Variants in C16orf78 observed in about 807,000 individuals in gnomAD.
C16orf78 encodes uncharacterized protein C16orf78.
In C16orf78, 19 loss-of-function variants were observed where a neutral mutation model predicts 27.3. That is an observed-to-expected ratio of 0.70 (90% CI 0.49 to 1.02). The LOEUF is 1.02. C16orf78 is among the 50% of genes least tolerant of loss of function. The pLI is 0.00. For synonymous variants in C16orf78, 130 were observed against 116.1 expected (o/e 1.12, Z -0.77); for missense variants, 339 against 337.0 (o/e 1.01, Z -0.05).
chr16:49,382,179 C>T (rs1344039138), intron 3 of C16orf78, among the ~76,000 whole-genome samples: 7 of 152,092 alleles, frequency 4.6e-5, no homozygotes, highest in Non-Finnish European at 1.5e-5. Flanking sequence ...AAACCAAACA[C>T]CGCATATTCT....
intron 3 of C16orf78, among the ~76,000 whole-genome samples, chr16:49,387,507 T>C (rs561346901): frequency 6.6e-6 from 1 of 152,216 alleles, no homozygotes; most frequent in African/African-American, 2.4e-5. Context: ...TGACATTTTC[T>C]TTTTTTGTTG....
intron 3 of C16orf78, among the ~76,000 whole-genome samples, 172 bp from the exon 4 acceptor site, chr16:49,396,251 G>A (rs1054986018): frequency 6.6e-6 from 1 of 152,082 alleles, no homozygotes; most frequent in African/African-American, 2.4e-5. Flanking sequence ...CTCAAAAAAA[G>A]AAAGGGGAGA....
chr16:49,375,560 G>A (rs533292621), intron 1 of C16orf78, among the ~76,000 whole-genome samples: 9 of 152,234 alleles, frequency 5.9e-5, no homozygotes, highest in Admixed American at 2.6e-4. Context: ...AAGGGGAATC[G>A]TGTTAAACCA....
rs373332083 is a variant in C16orf78, at chr16:49,387,144, T to C, written c.394+8551T>C. On this transcript the variant is annotated intron_variant, in intron 3 of 4. Coordinates refer to ENST00000299191, the MANE Select transcript of C16orf78 (RefSeq NM_144602.4). ...ACTTTTTAATAATAGCCATTCTGAC[T>C]GGTGTGAGATGGTATCTCATTGTGG... 4.3e-4 allele frequency among the ~76,000 whole-genome samples: 65 copies of C among 152,340 alleles called. 2 individuals are homozygous for C. The South Asian group carries it at 0.013, about 31-fold the overall frequency.
At chr16:49,377,704 C>T (rs750524121) in intron 1 of C16orf78, 27 bp from the exon 2 acceptor site, 4 of 1,595,482 alleles carry the variant, frequency 2.5e-6, no homozygotes, top group Non-Finnish European at 1.7e-6. Context: ...GCAGTGGCTG[C>T]AGGGCTCTCT....
chr16:49,398,716 C>T lies in C16orf78; in HGVS notation c.651-415C>T, dbSNP rs148086050. Among the ~76,000 whole-genome samples the T allele has an allele frequency of 1.1e-3, 168 of 152,326 alleles. 1 individual carries two copies. The highest frequency in any genetic ancestry group is 3.8e-3 in the African/African-American group (159 of 41,568). ...GTGGCCTTTTAATTAAGATCCTTGA[C>T]ATGAGGTAGTCCATTATCAGATTGA... is the stretch of plus-strand genomic sequence containing the variant. On this transcript the variant is annotated intron_variant, in intron 4 of 4. Transcript: ENST00000299191.
chr16:49,379,530 G>T (rs1965263192), intron 3 of C16orf78, among the ~76,000 whole-genome samples: 1 of 151,576 alleles, frequency 6.6e-6, no homozygotes, highest in Admixed American at 6.6e-5. Flanking sequence ...ATATACCAAA[G>T]CCATTGTGAC....
Position 49,381,184 on chromosome 16 carries a change from C to T in C16orf78, c.394+2591C>T, listed in dbSNP as rs190494786. ...ATTGTGTGAAGAAAGGCATTGGTAG[C>T]TTGATGGGGATGGCATTGAATCTGT... On this transcript the variant is annotated intron_variant, in intron 3 of 4. Coordinates refer to ENST00000299191, the MANE Select transcript of C16orf78 (RefSeq NM_144602.4). Among the ~76,000 whole-genome samples the T allele has an allele frequency of 2.3e-4, 35 of 152,252 alleles. 1 individual carries two copies. In the East Asian group the frequency reaches 6.4e-3, roughly 28 times the overall value.
intron 3 of C16orf78, among the ~76,000 whole-genome samples, chr16:49,382,129 T>C (rs1965293375): frequency 6.6e-6 from 1 of 151,960 alleles, no homozygotes; most frequent in African/African-American, 2.4e-5. Context: ...ATGGATGAAA[T>C]TGGAAATCAT....
At chr16:49,393,574 T>A (rs1965439138) in intron 3 of C16orf78, among the ~76,000 whole-genome samples, 2 of 152,116 alleles carry the variant, frequency 1.3e-5, no homozygotes, top group African/African-American at 4.8e-5. Context: ...TACCAAAACC[T>A]ATGAGACATA....
rs568504801 is a variant in C16orf78, at chr16:49,395,922, AG to A, written c.395-497del. 9.4e-4 allele frequency among the ~76,000 whole-genome samples: 143 copies of A among 152,114 alleles called. 1 individual carries two copies. The highest frequency in any genetic ancestry group is 1.8e-3 in the Non-Finnish European group (120 of 68,004). ...GGAACAGGGCAGGGAGAAAGGAGGGAGGGGTAAAAGGATTGAACAAATAAAG... is the reference window on the plus strand; with the variant it reads ...GGAACAGGGCAGGGAGAAAGGAGGGAGGGTAAAAGGATTGAACAAATAAAG... On this transcript the variant is annotated intron_variant, in intron 3 of 4. Transcript: ENST00000299191.
chr16:49,390,599 T>C (rs1024735193), intron 3 of C16orf78, among the ~76,000 whole-genome samples: 3 of 152,240 alleles, frequency 2.0e-5, no homozygotes, highest in East Asian at 3.8e-4. Flanking sequence ...CTCTTCTTAA[T>C]GTGACCCTGC....
chr16:49,394,411 GAT>G (rs1965447214), intron 3 of C16orf78, among the ~76,000 whole-genome samples: 1 of 151,766 alleles, frequency 6.6e-6, no homozygotes, highest in African/African-American at 2.4e-5. Flanking sequence ...TCATTATCAG[GAT>G]ATCTAAGAAC....
intron 4 of C16orf78, among the ~76,000 whole-genome samples, chr16:49,397,953 ATGGGGTTTT>A (rs1377141038): frequency 1.3e-5 from 2 of 152,032 alleles, no homozygotes; most frequent in Non-Finnish European, 2.9e-5. Flanking sequence ...TTTAGTAGAG[ATGGGGTTTT>A]GCCATGTTTC....
chr16:49,399,370 C>G lies in C16orf78; in HGVS notation c.*92C>G. The G allele has an allele frequency of 1.4e-6, 2 of 1,433,262 alleles. No individual in the cohort carries two copies. The highest frequency in any genetic ancestry group is 1.9e-6 in the Non-Finnish European group (2 of 1,043,474). The allele number at this position is 1,433,262 out of a possible 1,614,324, so 88.8% of individuals were successfully genotyped here. On this transcript the variant is annotated 3_prime_UTR_variant, in exon 5 of 5. Coordinates refer to ENST00000299191, the MANE Select transcript of C16orf78 (RefSeq NM_144602.4). ...CTCTGGCACACTACAAGTGGTCCTT[C>G]CAACTTAGTGCATCCCTTTAGAAAG...
At position 49,375,956 on chromosome 16, in the gene C16orf78, G is replaced by T. The variant is rs181041703; in HGVS notation, c.151-1775G>T. Among the ~76,000 whole-genome samples the T allele has an allele frequency of 2.6e-5, 4 of 152,266 alleles. No individual in the cohort carries two copies. In the East Asian group the frequency reaches 7.7e-4, roughly 29 times the overall value. On this transcript the variant is annotated intron_variant, in intron 1 of 4. Transcript: ENST00000299191. ...TTTTAACAACTTTACCTTAAATGTG[G>T]CTTTTATTGTAAATAACTTTGGACC...
rs752442437 is a variant in C16orf78 at position 49,373,976 on chromosome 16, C to A, written c.37C>A (p.Pro13Thr). The A allele has an allele frequency of 1.2e-6, 2 of 1,614,092 alleles. No homozygotes were observed. Among genetic ancestry groups the A allele is most frequent in the East Asian group, 4.5e-5 (2 of 44,878 alleles). The change falls in exon 1 of 5, where the codon CCC (proline) becomes ACC (threonine). Residue 13 changes from proline to threonine, a missense_variant. Physicochemically the swap from Pro to Thr is conservative, Grantham distance 38 (BLOSUM62 -1). Transcript: ENST00000299191. ...EQQMDLKDLM[P>T]TKRKYMWKTA... The stretch of plus-strand genomic sequence containing the variant: ...ACAAATGGACCTGAAGGATTTAATG[C>A]CCACAAAGAGGAAATACATGTGGAA...
At position 49,377,764 on chromosome 16, in the gene C16orf78, C is replaced by G. The variant is rs745353783; in HGVS notation, c.184C>G (p.Arg62Gly). ...GCCCAAAGTGGTGACAGTCCTTAAA[C>G]GAAATAAGAAGAAGGAAGAGAAGAA... ...QKPKVVTVLK[R>G]NKKKEEKKGK... is the part of the protein sequence containing the mutation. The change falls in exon 2 of 5, where the codon CGA (arginine) becomes GGA (glycine). Residue 62 changes from arginine to glycine, a missense_variant. Physicochemically the swap from Arg to Gly is moderately radical, Grantham distance 125. Coordinates refer to ENST00000299191, the MANE Select transcript of C16orf78 (RefSeq NM_144602.4). 1 of 1,602,136 alleles carries G rather than the reference C, an allele frequency of 6.2e-7. No homozygotes were observed. Among genetic ancestry groups the G allele is most frequent in the Non-Finnish European group, 8.5e-7 (1 of 1,174,428 alleles).
chr16:49,396,575 G>C lies in C16orf78; in HGVS notation c.547G>C (p.Asp183His). Residue 183 changes from aspartate to histidine, a missense_variant, in exon 4 of 5, where the codon GAC (aspartate) becomes CAC (histidine). Physicochemically the swap from Asp to His is moderately conservative, Grantham distance 81. Coordinates refer to ENST00000299191, the MANE Select transcript of C16orf78 (RefSeq NM_144602.4). ...FIRDWSNKMP[D>H]MAYERKLKSL... ...AAGAGACTGGTCCAACAAGATGCCTGACATGGCTTACGAACGCAAGCTAAA... is the reference window on the plus strand; with the variant it reads ...AAGAGACTGGTCCAACAAGATGCCTCACATGGCTTACGAACGCAAGCTAAA... 1 of 1,614,218 alleles carries C rather than the reference G, an allele frequency of 6.2e-7. No homozygotes were observed. The highest frequency in any genetic ancestry group is 8.5e-7 in the Non-Finnish European group (1 of 1,180,038).
Sources: allele counts gnomAD v4.1 joint callset (sites outside exome capture counted in the v4.1 genomes callset), GRCh38; gene constraint gnomAD v4.1.1; transcripts MANE v1.5; gene names NCBI Gene and HGNC (gene_info 2026-07-23, HGNC 2026-07-21).